The following PHYKPL variants were observed in gnomAD, a reference collection of about 807,000 sequenced individuals.
The protein encoded by PHYKPL is 5-phosphonooxy-L-lysine phospho-lyase.
PHYKPL carries 42 observed loss-of-function variants against 51.3 expected under a neutral mutation model. The observed-to-expected ratio is 0.82, with a 90% confidence interval of 0.64 to 1.06. PHYKPL has a LOEUF of 1.06. PHYKPL is among the 50% of genes least tolerant of loss of function. PHYKPL has a pLI of 0.00. For synonymous variants in PHYKPL, 264 were observed against 236.0 expected, an observed-to-expected ratio of 1.12 and a Z score of -1.09; for missense variants, 655 against 586.6, an observed-to-expected ratio of 1.12 and a Z score of -1.20.
intron 8 of PHYKPL, among the ~76,000 whole-genome samples, chr5:178,220,476 CAA>C (rs1193118231): frequency 6.6e-6 from 1 of 152,052 alleles, no homozygotes; most frequent in Non-Finnish European, 1.5e-5. Context: ...GCCTGGGCAA[CAA>C]GAGTGAAACT....
At chr5:178,225,001 T>C in intron 4 of PHYKPL, 1 of 567,288 alleles carries the variant, frequency 1.8e-6, no homozygotes, top group Admixed American at 3.2e-5. Flanking sequence ...CTCCTTCTGG[T>C]TTATAATGAA....
intron 12 of PHYKPL, chr5:178,210,971 C>T (rs1022647485): frequency 1.1e-5 from 3 of 272,290 alleles, no homozygotes; most frequent in East Asian, 8.0e-5. Context: ...CCAGTGTCAC[C>T]TTTTTTTCAC....
rs375297594 is a variant in PHYKPL, at chr5:178,222,417, C to T, written c.865G>A (p.Val289Met). 20 of 1,614,106 alleles carry T rather than the reference C, an allele frequency of 1.2e-5. No individual in the cohort carries two copies. Among genetic ancestry groups the T allele is most frequent in the African/African-American group, 4.0e-5 (3 of 74,942 alleles). ...CTCGCCACAGGCTGGGTTGCGGCCA[C>T]GCAGGCAACAGGGTGGCCGTTGCCA... ...SIGNGHPVAC[V>M]AATQPVARAF... The change falls in exon 8 of 13, where the codon GTG (valine) becomes ATG (methionine). Residue 289 changes from valine to methionine, a missense_variant. Transcript: ENST00000308158.
At position 178,224,532 on chromosome 5, in the gene PHYKPL, G is replaced by C; in HGVS notation, c.534C>G (p.Tyr178Ter). 6.2e-7 allele frequency: 1 copy of C among 1,614,108 alleles called. No individual in the cohort carries two copies. ...APLPDTYRGP[Y>*]REDHPNPAMA... ...TAGCTGGGTTGGGGTGGTCCTCCCG[G>C]TAGGGGCCCCGGTAGGTGTCTGGGA... The change falls in exon 6 of 13, where the codon TAC (tyrosine) becomes TAG (stop). Residue 178 changes from tyrosine to a stop codon, truncating the protein, a stop_gained. Coordinates refer to ENST00000308158, the MANE Select transcript of PHYKPL (RefSeq NM_153373.4). LOFTEE classifies it high-confidence loss of function.
chr5:178,225,884 G>A (rs180894591), intron 3 of PHYKPL: 3 of 168,432 alleles, frequency 1.8e-5, no homozygotes, highest in East Asian at 1.6e-4. Context: ...CCCACAGCAT[G>A]AGGGCTCAAT....
chr5:178,222,951 A>AT lies in PHYKPL; in HGVS notation c.619-18dup, dbSNP rs1761488970. ...GGCTGCAATCTGTGAAGAGATGGACATTGGGAACACGACCATGGGGTTGTG... is the reference window on the plus strand; with the variant it reads ...GGCTGCAATCTGTGAAGAGATGGACATTTGGGAACACGACCATGGGGTTGTG... On this transcript the variant is annotated splice_polypyrimidine_tract_variant and intron_variant, in intron 6 of 12. Coordinates refer to ENST00000308158, the MANE Select transcript of PHYKPL (RefSeq NM_153373.4). The AT allele has an allele frequency of 6.2e-7, 1 of 1,613,304 alleles. No homozygotes were observed. Among genetic ancestry groups the AT allele is most frequent in the Admixed American group, 1.7e-5 (1 of 59,968 alleles).
chr5:178,232,016 GC>G (rs1763562759), intron 1 of PHYKPL: 7 of 1,202,000 alleles, frequency 5.8e-6, no homozygotes, highest in South Asian at 1.5e-5. Context: ...CCCACCGAGG[GC>G]CCCCTCACAG....
At position 178,208,677 on chromosome 5, in the gene PHYKPL, T is replaced by C. The variant is rs1757253833; in HGVS notation, c.*270A>G. 1 of 152,258 alleles carries C rather than the reference T, an allele frequency of 6.6e-6. No individual in the cohort carries two copies. Among genetic ancestry groups the C allele is most frequent in the African/African-American group, 2.4e-5 (1 of 41,450 alleles). The allele number at this position is 152,258 out of a possible 1,614,324, so 9.4% of individuals were successfully genotyped here. ...TCTAATTTATTTAAGCAGGAGCACTTTAAAGTATCCCACCCTACCCCATTC... is the reference window on the plus strand; with the variant it reads ...TCTAATTTATTTAAGCAGGAGCACTCTAAAGTATCCCACCCTACCCCATTC... On this transcript the variant is annotated 3_prime_UTR_variant, in exon 13 of 13. Transcript: ENST00000308158.
intron 6 of PHYKPL, 126 bp downstream of exon 6, chr5:178,224,322 C>G (rs1393184096): frequency 2.8e-6 from 3 of 1,082,684 alleles, no homozygotes; most frequent in Non-Finnish European, 3.9e-6. Context: ...TGCCCCTATC[C>G]CAGATTCCTG....
Position 178,228,366 on chromosome 5 carries a change from A to G in PHYKPL, c.338+1574T>C, listed in dbSNP as rs1444295335. The G allele has an allele frequency of 5.0e-6, 3 of 595,672 alleles. No homozygotes were observed. In the East Asian group the frequency reaches 8.4e-5, roughly 17 times the overall value. 36.9% of individuals were successfully genotyped at this position (595,672 alleles called of 1,614,324 possible). A position where few individuals can be genotyped will look rare whatever the true frequency, so the allele number is the denominator to read the frequency against. On this transcript the variant is annotated intron_variant, in intron 3 of 12. Coordinates refer to ENST00000308158, the MANE Select transcript of PHYKPL (RefSeq NM_153373.4). ...CACTTCCGGAGAGTGGTAACTGTCAATTACTGCTGGGACAGAGTAAGACAA... is the reference window on the plus strand; with the variant it reads ...CACTTCCGGAGAGTGGTAACTGTCAGTTACTGCTGGGACAGAGTAAGACAA...
chr5:178,229,287 T>A (rs1443949679), intron 3 of PHYKPL, among the ~76,000 whole-genome samples: 3 of 152,116 alleles, frequency 2.0e-5, no homozygotes, highest in African/African-American at 7.2e-5. Flanking sequence ...TGTGTATTTT[T>A]AGTAGAGACG....
chr5:178,208,925 GAA>G lies in PHYKPL; in HGVS notation c.*32-12_*32-11del, dbSNP rs1436110372. On this transcript the variant is annotated splice_polypyrimidine_tract_variant and intron_variant, in intron 12 of 12. Transcript: ENST00000308158. Reference sequence around the variant, plus strand: ...ATGAGATGAGTTTCTTCTGTAAAGAGAAAAAGATGTTAAAACCTCATTGTCTA... The same window carrying G: ...ATGAGATGAGTTTCTTCTGTAAAGAGAAAGATGTTAAAACCTCATTGTCTA... 6.2e-6 allele frequency: 1 copy of G among 161,520 alleles called. No homozygotes were observed. Among genetic ancestry groups the G allele is most frequent in the African/African-American group, 2.4e-5 (1 of 41,658 alleles). 10.0% of individuals were successfully genotyped at this position (161,520 alleles called of 1,614,324 possible).
Position 178,208,481 on chromosome 5 carries a change from G to GA in PHYKPL, c.*465dup, listed in dbSNP as rs1561664506. 6.6e-6 allele frequency: 1 copy of GA among 152,196 alleles called. No homozygotes were observed. 9.4% of individuals were successfully genotyped at this position (152,196 alleles called of 1,614,324 possible). A position where few individuals can be genotyped will look rare whatever the true frequency, so the allele number is the denominator to read the frequency against. ...TGAAACTACTGGTAGTGAGTCTTAGGAGTAAGTATATTTAGTTGGTTATAT... is the reference window on the plus strand; with the variant it reads ...TGAAACTACTGGTAGTGAGTCTTAGGAAGTAAGTATATTTAGTTGGTTATAT... On this transcript the variant is annotated 3_prime_UTR_variant, in exon 13 of 13. Coordinates refer to ENST00000308158, the MANE Select transcript of PHYKPL (RefSeq NM_153373.4).
chr5:178,227,030 G>A (rs965451480), intron 3 of PHYKPL, among the ~76,000 whole-genome samples: 13 of 152,232 alleles, frequency 8.5e-5, no homozygotes, highest in African/African-American at 2.4e-4. Flanking sequence ...CTGGGAGAGC[G>A]AGCCAGAGGG....
At chr5:178,213,386 G>A (rs1043866238) in intron 10 of PHYKPL, among the ~76,000 whole-genome samples, 61 of 152,212 alleles carry the variant, frequency 4.0e-4, no homozygotes, top group Admixed American at 2.6e-3. Context: ...AATGGCCACA[G>A]GGAAACGCCA....
In PHYKPL at chr5:178,231,464, T is replaced by C; in HGVS notation, c.119A>G (p.Gln40Arg). Residue 40 changes from glutamine to arginine, a missense_variant, in exon 2 of 13, where the codon CAG becomes CGG. By Grantham distance (43) the Gln-to-Arg change is conservative (BLOSUM62 1). Coordinates refer to ENST00000308158, the MANE Select transcript of PHYKPL (RefSeq NM_153373.4). The stretch of plus-strand genomic sequence containing the variant: ...TGCCCCCTGTTCATCGTACATGTAC[T>C]GCCCTTGGGCCCGGACAATCTTAAC... Reference protein sequence around the residue: ...DPVKIVRAQGQYMYDEQGAEY... With the variant: ...DPVKIVRAQGRYMYDEQGAEY... 6.2e-7 allele frequency: 1 copy of C among 1,614,204 alleles called. No homozygotes were observed. Among genetic ancestry groups the C allele is most frequent in the African/African-American group, 1.3e-5 (1 of 75,050 alleles).
intron 8 of PHYKPL, among the ~76,000 whole-genome samples, chr5:178,222,059 G>T (rs1172677152): frequency 1.3e-5 from 2 of 152,244 alleles, no homozygotes; most frequent in Admixed American, 6.5e-5. Flanking sequence ...TCCAGCACCT[G>T]ACACAGGGCG....
In PHYKPL at chr5:178,222,584, T is replaced by A. The variant is rs1761388712; in HGVS notation, c.702-4A>T. On this transcript the variant is annotated splice_polypyrimidine_tract_variant and splice_region_variant and intron_variant, in intron 7 of 12. Transcript: ENST00000308158. ...CCCTCCGGCCTTGCGGATGTGCCTG[T>A]GGCAGAGGAGATGACTGACACGGGG... 1 of 1,613,498 alleles carries A rather than the reference T, an allele frequency of 6.2e-7. No homozygotes were observed. Among genetic ancestry groups the A allele is most frequent in the Non-Finnish European group, 8.5e-7 (1 of 1,179,560 alleles).
intron 4 of PHYKPL, chr5:178,224,963 T>C: frequency 1.7e-6 from 1 of 573,916 alleles, no homozygotes; most frequent in Non-Finnish European, 3.1e-6. Flanking sequence ...TCGGTTGTTT[T>C]CTCTGCTGTG....
Sources: gnomAD v4.1 joint callset for allele counts (sites outside exome capture counted in the v4.1 genomes callset) on GRCh38, gnomAD v4.1.1 for gene constraint, MANE v1.5 for transcripts, NCBI Gene and HGNC (gene_info 2026-07-23, HGNC 2026-07-21) for gene names.